Variants in SEMA5A observed in about 807,000 individuals in gnomAD.
SEMA5A encodes semaphorin-5A.
Under a neutral mutation model 135.5 loss-of-function variants are expected in SEMA5A, and 55 were observed. That is an observed-to-expected ratio of 0.41 (90% CI 0.33 to 0.51). SEMA5A has a LOEUF of 0.51. Among genes scored for constraint, SEMA5A ranks in the 20% least tolerant of loss-of-function variants. The probability of loss-of-function intolerance (pLI) is 0.37; values close to 1 mark genes in which losing one functional copy is unlikely to be tolerated. For missense variants in SEMA5A, 1,290 were observed against 1,419.9 expected, an observed-to-expected ratio of 0.91 and a Z score of 1.47; for synonymous variants, 580 against 546.5, an observed-to-expected ratio of 1.06 and a Z score of -0.85.
chr5:9,193,377 T>A (rs1262592451), intron 10 of SEMA5A, among the ~76,000 whole-genome samples: 1 of 152,050 alleles, frequency 6.6e-6, no homozygotes, highest in Non-Finnish European at 1.5e-5. Flanking sequence ...TCCACAACAG[T>A]TTTCATGCCA....
intron 3 of SEMA5A, among the ~76,000 whole-genome samples, chr5:9,351,387 C>T (rs1198525450): frequency 6.6e-6 from 1 of 152,056 alleles, no homozygotes; most frequent in Non-Finnish European, 1.5e-5. Context: ...AGATATGTGG[C>T]TAGAAACTAG....
intron 11 of SEMA5A, among the ~76,000 whole-genome samples, chr5:9,189,395 G>GAA (rs34061066): frequency 5.0e-5 from 7 of 141,044 alleles, no homozygotes; most frequent in African/African-American, 1.0e-4. Context: ...GCAACTTCAT[G>GAA]AAAAAAAAAA....
chr5:9,377,517 C>T (rs1755413258), intron 3 of SEMA5A, among the ~76,000 whole-genome samples: 1 of 151,032 alleles, frequency 6.6e-6, no homozygotes, highest in South Asian at 2.1e-4. Context: ...TAAAATTTTC[C>T]AGTGAAATAT....
chr5:9,299,795 C>T (rs1456382367), intron 5 of SEMA5A, among the ~76,000 whole-genome samples: 2 of 152,146 alleles, frequency 1.3e-5, no homozygotes, highest in Non-Finnish European at 2.9e-5. Context: ...AGTGTGCTTA[C>T]TCCAAATGGC....
chr5:9,465,559 T>G (rs1422075156), intron 1 of SEMA5A, among the ~76,000 whole-genome samples: 1 of 152,242 alleles, frequency 6.6e-6, no homozygotes, highest in Non-Finnish European at 1.5e-5. Context: ...TGCCAAATAC[T>G]ATGTTGAATC....
At chr5:9,171,740 A>G (rs1361547367) in intron 11 of SEMA5A, among the ~76,000 whole-genome samples, 1 of 152,140 alleles carries the variant, frequency 6.6e-6, no homozygotes, top group South Asian at 2.1e-4. Context: ...CACTAGATAT[A>G]TGTCCTCCAG....
intron 2 of SEMA5A, among the ~76,000 whole-genome samples, chr5:9,434,192 C>T (rs1303960306): frequency 1.3e-5 from 2 of 152,028 alleles, no homozygotes; most frequent in East Asian, 3.8e-4. Flanking sequence ...TACATTAAAA[C>T]AAGGGTTTTT....
chr5:9,477,783 C>T (rs1435976622), intron 1 of SEMA5A, among the ~76,000 whole-genome samples: 1 of 152,060 alleles, frequency 6.6e-6, no homozygotes, highest in Non-Finnish European at 1.5e-5. Flanking sequence ...AAAAGGGAAG[C>T]AGAACATAAA....
chr5:9,472,903 T>C (rs1759527038), intron 1 of SEMA5A, among the ~76,000 whole-genome samples: 1 of 150,378 alleles, frequency 6.6e-6, no homozygotes, highest in Non-Finnish European at 1.5e-5. Context: ...ATAAGTTATG[T>C]ATAGGATATA....
chr5:9,352,286 A>T (rs1411867671), intron 3 of SEMA5A, among the ~76,000 whole-genome samples: 1 of 152,064 alleles, frequency 6.6e-6, no homozygotes, highest in East Asian at 1.9e-4. Context: ...AGACACTACC[A>T]ATCTGATATA....
chr5:9,284,045 A>C (rs1193695701), intron 5 of SEMA5A, among the ~76,000 whole-genome samples: 5 of 152,198 alleles, frequency 3.3e-5, no homozygotes, highest in African/African-American at 1.2e-4. Context: ...TGATAAATAA[A>C]TATCAAATGA....
intron 1 of SEMA5A, among the ~76,000 whole-genome samples, chr5:9,440,888 A>G (rs1236533557): frequency 1.3e-5 from 2 of 152,242 alleles, no homozygotes; most frequent in Admixed American, 6.5e-5. Flanking sequence ...CTGAATTTAG[A>G]AACCGTACAA....
chr5:9,522,502 A>G (rs1417702658), intron 1 of SEMA5A, among the ~76,000 whole-genome samples: 1 of 152,096 alleles, frequency 6.6e-6, no homozygotes, highest in Non-Finnish European at 1.5e-5. Flanking sequence ...AGAATCGCTT[A>G]GGAGGCAGAG....
chr5:9,188,649 C>T (rs949522006), intron 11 of SEMA5A, among the ~76,000 whole-genome samples: 8 of 152,120 alleles, frequency 5.3e-5, no homozygotes, highest in Non-Finnish European at 8.8e-5. Context: ...TCAGCCTGGA[C>T]ATTTATGGTG....
chr5:9,486,479 C>T (rs1213999959), intron 1 of SEMA5A, among the ~76,000 whole-genome samples: 1 of 152,114 alleles, frequency 6.6e-6, no homozygotes, highest in Non-Finnish European at 1.5e-5. Flanking sequence ...AAATACAACT[C>T]CCTGGGTTAA....
chr5:9,113,379 T>G (rs539502187), intron 15 of SEMA5A, among the ~76,000 whole-genome samples: 32 of 152,186 alleles, frequency 2.1e-4, no homozygotes, highest in African/African-American at 7.7e-4. Context: ...AAATCTGGAC[T>G]TAAAGGACAT....
chr5:9,208,344 G>A (rs1289950188), intron 8 of SEMA5A, among the ~76,000 whole-genome samples: 3 of 152,156 alleles, frequency 2.0e-5, no homozygotes, highest in African/African-American at 7.2e-5. Context: ...GCCTGGAGCC[G>A]GCCAGAGTAC....
intron 5 of SEMA5A, among the ~76,000 whole-genome samples, chr5:9,307,024 T>C (rs1751902817): frequency 6.6e-6 from 1 of 152,214 alleles, no homozygotes; most frequent in Non-Finnish European, 1.5e-5. Context: ...AGCAGCCTAT[T>C]CTTAGTAGGG....
chr5:9,455,218 T>C (rs1416032867), intron 1 of SEMA5A, among the ~76,000 whole-genome samples: 7 of 151,958 alleles, frequency 4.6e-5, no homozygotes, highest in African/African-American at 1.2e-4. Flanking sequence ...TCAGATAGCA[T>C]ATTGCAGTTT....
Sources: allele counts gnomAD v4.1 joint callset (sites outside exome capture counted in the v4.1 genomes callset), GRCh38; gene constraint gnomAD v4.1.1; transcripts MANE v1.5; gene names NCBI Gene and HGNC (gene_info 2026-07-23, HGNC 2026-07-21).